SIPA1L1: variants seen among roughly 807,000 people sequenced by gnomAD.
SIPA1L1 encodes the protein signal induced proliferation associated 1 like 1, also known as signal-induced proliferation-associated 1-like protein 1.
A neutral mutation model predicts 162.7 loss-of-function variants in SIPA1L1; 26 were observed. That is an observed-to-expected ratio of 0.16 (90% CI 0.12 to 0.22). The LOEUF (loss-of-function observed/expected upper bound fraction) is 0.22, where lower values mean the gene tolerates loss of function less well. Among genes scored for constraint, SIPA1L1 ranks in the 10% least tolerant of loss-of-function variants. The probability of loss-of-function intolerance (pLI) is 1.00; values close to 1 mark genes in which losing one functional copy is unlikely to be tolerated. For synonymous variants in SIPA1L1, 829 were observed against 837.4 expected, an observed-to-expected ratio of 0.99 and a Z score of 0.17; for missense variants, 1,874 against 2,241.0, an observed-to-expected ratio of 0.84 and a Z score of 3.31.
intron 2 of SIPA1L1, among the ~76,000 whole-genome samples, chr14:71,395,732 T>C (rs2141426222): frequency 6.6e-6 from 1 of 152,346 alleles, no homozygotes; most frequent in South Asian, 2.1e-4. Flanking sequence ...TCTTGTGGGC[T>C]TGAAGACCAG....
chr14:71,486,939 C>T (rs1380301056), intron 2 of SIPA1L1, among the ~76,000 whole-genome samples: 1 of 152,182 alleles, frequency 6.6e-6, no homozygotes, highest in Non-Finnish European at 1.5e-5. Flanking sequence ...ATTATCCGGT[C>T]TTTCTTTCTC....
At chr14:71,556,646 A>G (rs144897829) in intron 4 of SIPA1L1, among the ~76,000 whole-genome samples, 264 of 152,360 alleles carry the variant, frequency 1.7e-3, no homozygotes, top group African/African-American at 6.0e-3. Context: ...GTGTAGGGCA[A>G]GGTATCAGGG....
chr14:71,402,752 T>C (rs1010842402), intron 2 of SIPA1L1, among the ~76,000 whole-genome samples: 3 of 152,308 alleles, frequency 2.0e-5, no homozygotes, highest in Admixed American at 6.5e-5. Context: ...GTAAAGAATA[T>C]GTGCCTGGCA....
At chr14:71,327,701 T>C (rs547438746) in intron 2 of SIPA1L1, among the ~76,000 whole-genome samples, 1 of 152,204 alleles carries the variant, frequency 6.6e-6, no homozygotes, top group Non-Finnish European at 1.5e-5. Context: ...TTTTAAAGAC[T>C]TTTCAGAAAC....
At chr14:71,526,305 T>A (rs2052862606) in intron 3 of SIPA1L1, among the ~76,000 whole-genome samples, 1 of 152,186 alleles carries the variant, frequency 6.6e-6, no homozygotes, top group African/African-American at 2.4e-5. Context: ...GAATCTAATA[T>A]TATTAGCCCA....
At chr14:71,437,642 G>A (rs959756976) in intron 2 of SIPA1L1, among the ~76,000 whole-genome samples, 3 of 152,136 alleles carry the variant, frequency 2.0e-5, no homozygotes, top group African/African-American at 4.8e-5. Flanking sequence ...GATTCCAGGC[G>A]TAAGACACCG....
intron 17 of SIPA1L1, among the ~76,000 whole-genome samples, chr14:71,717,270 A>G (rs1417468834): frequency 6.6e-6 from 1 of 152,206 alleles, no homozygotes; most frequent in African/African-American, 2.4e-5. Flanking sequence ...ACATGACCAG[A>G]CAGAATCTAA....
intron 7 of SIPA1L1, among the ~76,000 whole-genome samples, chr14:71,642,057 G>T (rs541487745): frequency 1.4e-4 from 21 of 152,182 alleles, no homozygotes; most frequent in Non-Finnish European, 2.9e-5. Context: ...GCAAATTTCT[G>T]CTTCTTGCTA....
chr14:71,350,641 C>T (rs1238784089), intron 2 of SIPA1L1, among the ~76,000 whole-genome samples: 3 of 152,032 alleles, frequency 2.0e-5, no homozygotes, highest in Non-Finnish European at 4.4e-5. Flanking sequence ...GATCTGGGTC[C>T]GGGGACATAG....
intron 2 of SIPA1L1, among the ~76,000 whole-genome samples, chr14:71,390,533 T>C (rs755770927): frequency 2.0e-5 from 3 of 152,138 alleles, no homozygotes; most frequent in African/African-American, 7.2e-5. Flanking sequence ...CCCAGCACTT[T>C]GGGAGGCCAA....
chr14:71,457,250 G>A (rs1479710607), intron 2 of SIPA1L1, among the ~76,000 whole-genome samples: 2 of 151,450 alleles, frequency 1.3e-5, no homozygotes, highest in Non-Finnish European at 2.9e-5. Context: ...CTGCTTTTCT[G>A]TTGACCTATT....
chr14:71,326,405 C>T (rs377182963), intron 2 of SIPA1L1, among the ~76,000 whole-genome samples: 1 of 151,928 alleles, frequency 6.6e-6, no homozygotes, highest in Admixed American at 6.6e-5. Flanking sequence ...GGCAGGGTTT[C>T]GCCATGTTGG....
intron 8 of SIPA1L1, among the ~76,000 whole-genome samples, chr14:71,656,826 A>C (rs892570592): frequency 2.0e-5 from 3 of 152,216 alleles, no homozygotes; most frequent in Non-Finnish European, 4.4e-5. Context: ...GAGTTACTGC[A>C]TTAGAGCTAC....
intron 2 of SIPA1L1, among the ~76,000 whole-genome samples, chr14:71,352,527 C>T (rs148771824): frequency 6.6e-6 from 1 of 152,118 alleles, no homozygotes; most frequent in Non-Finnish European, 1.5e-5. Flanking sequence ...GCTTCTTTTA[C>T]CAACATTGAT....
Position 71,732,559 on chromosome 14 carries a change from C to A in SIPA1L1, c.4862-1107C>A, listed in dbSNP as rs929558839. On this transcript the variant is annotated intron_variant, in intron 20 of 23. Coordinates refer to ENST00000381232, the MANE Select transcript of SIPA1L1 (RefSeq NM_001386936.1). ...GGTGGCTCACTCTGCCCAGTCCTCC[C>A]TGCCAAGCAGATCTTAGTTGTTAAT... is the stretch of plus-strand genomic sequence containing the variant. Among the ~76,000 whole-genome samples the A allele has an allele frequency of 1.1e-4, 17 of 152,318 alleles. 1 individual carries two copies. The highest frequency in any genetic ancestry group is 4.1e-4 in the African/African-American group (17 of 41,568).
At chr14:71,543,848 G>T (rs570911748) in intron 4 of SIPA1L1, among the ~76,000 whole-genome samples, 2 of 143,834 alleles carry the variant, frequency 1.4e-5, no homozygotes, top group Admixed American at 1.4e-4. Context: ...ATATGTATGT[G>T]TATATATACA....
intron 2 of SIPA1L1, among the ~76,000 whole-genome samples, chr14:71,454,015 A>G (rs1054450679): frequency 1.3e-5 from 2 of 148,976 alleles, no homozygotes; most frequent in Non-Finnish European, 3.0e-5. Flanking sequence ...AAAAAAAAAA[A>G]AAAAAAAAAA....
At chr14:71,522,101 T>C (rs987095397) in intron 3 of SIPA1L1, among the ~76,000 whole-genome samples, 3 of 152,226 alleles carry the variant, frequency 2.0e-5, no homozygotes, top group Admixed American at 1.3e-4. Context: ...TATCTCTAGC[T>C]ATATAATTCT....
chr14:71,715,942 C>A (rs900789621), intron 17 of SIPA1L1, among the ~76,000 whole-genome samples: 1 of 152,226 alleles, frequency 6.6e-6, no homozygotes, highest in Non-Finnish European at 1.5e-5. Context: ...AATAGCTTAG[C>A]GTTACAGGCT....
Sources: allele counts gnomAD v4.1 joint callset (sites outside exome capture counted in the v4.1 genomes callset), GRCh38; gene constraint gnomAD v4.1.1; transcripts MANE v1.5; gene names NCBI Gene and HGNC (gene_info 2026-07-23, HGNC 2026-07-21).